KANSL1: variants seen among roughly 807,000 people sequenced by gnomAD.
The protein encoded by KANSL1 is KAT8 regulatory NSL complex subunit 1.
KANSL1 carries 22 observed loss-of-function variants against 103.6 expected under a neutral mutation model. That is an observed-to-expected ratio of 0.21 (90% CI 0.15 to 0.30). The LOEUF (loss-of-function observed/expected upper bound fraction) is 0.30, where lower values mean the gene tolerates loss of function less well. Ranked by LOEUF, KANSL1 falls within the 10% of genes least tolerant of loss-of-function variation. KANSL1 has a pLI of 1.00. For missense variants in KANSL1, 1,337 were observed against 1,399.8 expected (o/e 0.96, Z 0.72); for synonymous variants, 600 against 527.6 (o/e 1.14, Z -1.88).
At chr17:46,133,856 G>A (rs2043990682) in intron 2 of KANSL1, among the ~76,000 whole-genome samples, 1 of 152,188 alleles carries the variant, frequency 6.6e-6, no homozygotes, top group Non-Finnish European at 1.5e-5. Context: ...TCAATACAAG[G>A]ATATCAATTA....
At chr17:46,108,513 A>G (rs1447728732) in intron 2 of KANSL1, among the ~76,000 whole-genome samples, 1 of 152,158 alleles carries the variant, frequency 6.6e-6, no homozygotes, top group East Asian at 1.9e-4. Context: ...ATTATTTTTA[A>G]TTATCTATCT....
chr17:46,165,518 A>T (rs947457668), intron 2 of KANSL1, among the ~76,000 whole-genome samples: 16 of 143,262 alleles, frequency 1.1e-4, no homozygotes, highest in Non-Finnish European at 1.7e-4. Context: ...AGGTATTTTT[A>T]TTTTTTTTTT....
chr17:46,050,712 A>G lies in KANSL1; in HGVS notation c.1849-8T>C. 1.2e-6 allele frequency: 2 copies of G among 1,603,526 alleles called. No homozygotes were observed. The highest frequency in any genetic ancestry group is 1.7e-6 in the Non-Finnish European group (2 of 1,172,364). On this transcript the variant is annotated splice_polypyrimidine_tract_variant and splice_region_variant and intron_variant, in intron 6 of 14. Transcript: ENST00000432791. ...TGTGCTGTTCCGGTGAACCTGTGAA[A>G]AAAGCCAAACAAAACTGACAATTCA...
chr17:46,117,251 T>C (rs2043084735), intron 2 of KANSL1, among the ~76,000 whole-genome samples: 1 of 152,224 alleles, frequency 6.6e-6, no homozygotes, highest in Non-Finnish European at 1.5e-5. Context: ...AATTCCATGC[T>C]GAACAGCCAT....
chr17:46,078,471 C>T (rs1392557701), intron 4 of KANSL1, among the ~76,000 whole-genome samples: 3 of 152,216 alleles, frequency 2.0e-5, no homozygotes, highest in Admixed American at 1.3e-4. Context: ...TATGCCCCTC[C>T]CCATCTCCCA....
At chr17:46,118,538 T>C (rs1454508198) in intron 2 of KANSL1, among the ~76,000 whole-genome samples, 1 of 152,218 alleles carries the variant, frequency 6.6e-6, no homozygotes, top group Non-Finnish European at 1.5e-5. Context: ...CCCCCAGAGT[T>C]TCCGACTCAG....
At chr17:46,210,492 A>AT (rs1407828283) in intron 1 of KANSL1, among the ~76,000 whole-genome samples, 6 of 15,794 alleles carry the variant, frequency 3.8e-4, no homozygotes, top group East Asian at 2.3e-3. Flanking sequence ...AAAAAAAAAA[A>AT]AAAAAAAAAA....
chr17:46,125,074 G>C (rs1215908215), intron 2 of KANSL1, among the ~76,000 whole-genome samples: 1 of 42,170 alleles, frequency 2.4e-5, no homozygotes, highest in Non-Finnish European at 6.1e-5. Flanking sequence ...AGGGAGGAGG[G>C]AGGGAGGGAG....
intron 1 of KANSL1, among the ~76,000 whole-genome samples, chr17:46,211,370 G>A (rs984403369): frequency 1.3e-5 from 2 of 152,060 alleles, no homozygotes; most frequent in Admixed American, 6.5e-5. Context: ...ATACACTAAA[G>A]TAACAATAGC....
chr17:46,062,666 T>C (rs2078220381), intron 6 of KANSL1, among the ~76,000 whole-genome samples: 1 of 152,032 alleles, frequency 6.6e-6, no homozygotes. Flanking sequence ...CCAGCCTTTT[T>C]AAGGGCAAAA....
intron 2 of KANSL1, among the ~76,000 whole-genome samples, chr17:46,096,838 C>T (rs867019229): frequency 4.6e-5 from 7 of 150,910 alleles, no homozygotes; most frequent in African/African-American, 7.3e-5. Context: ...AGGATGGTCT[C>T]GATCTCCTGA....
Position 46,066,689 on chromosome 17 carries a change from C to G in KANSL1, c.1696G>C (p.Asp566His). Residue 566 changes from aspartate (D) to histidine (H), a missense_variant, in exon 6 of 15, where the codon GAT becomes CAT. Transcript: ENST00000432791. The part of the protein sequence containing the change: ...LADHIPGDSS[D>H]AEEQLHKKQR... Reference sequence around the variant, plus strand: ...TTCTTATGTAATTGTTCCTCAGCATCAGAGCTGTCACCTGGAATGTGGTCT... The same window carrying G: ...TTCTTATGTAATTGTTCCTCAGCATGAGAGCTGTCACCTGGAATGTGGTCT... The G allele has an allele frequency of 6.2e-7, 1 of 1,614,122 alleles. No homozygotes were observed. The highest frequency in any genetic ancestry group is 8.5e-7 in the Non-Finnish European group (1 of 1,180,010).
intron 2 of KANSL1, among the ~76,000 whole-genome samples, chr17:46,126,856 T>C (rs371032412): frequency 3.3e-4 from 50 of 152,360 alleles, no homozygotes; most frequent in African/African-American, 1.2e-3. Context: ...TTTCTGGCTG[T>C]ACCACTCAAC....
intron 2 of KANSL1, among the ~76,000 whole-genome samples, chr17:46,126,465 T>C (rs1386653600): frequency 6.6e-6 from 1 of 151,518 alleles, no homozygotes; most frequent in African/African-American, 2.4e-5. Flanking sequence ...AGTCTCCATC[T>C]TTCCACTAGA....
At chr17:46,217,683 G>A (rs1313382907) in intron 1 of KANSL1, among the ~76,000 whole-genome samples, 2 of 152,110 alleles carry the variant, frequency 1.3e-5, no homozygotes, top group African/African-American at 4.8e-5. Context: ...AAGGTCAGGA[G>A]TTTGAGACCA....
chr17:46,053,943 A>T (rs1405683678), intron 6 of KANSL1, among the ~76,000 whole-genome samples: 1 of 152,194 alleles, frequency 6.6e-6, no homozygotes, highest in African/African-American at 2.4e-5. Flanking sequence ...AACACATACA[A>T]TATTGTGTTT....
At chr17:46,102,306 G>A (rs530185924) in intron 2 of KANSL1, among the ~76,000 whole-genome samples, 22 of 152,262 alleles carry the variant, frequency 1.4e-4, no homozygotes, top group African/African-American at 5.3e-4. Context: ...CTGGAGTGCA[G>A]AGGCACGATC....
chr17:46,126,183 T>C (rs1206229645), intron 2 of KANSL1, among the ~76,000 whole-genome samples: 1 of 152,032 alleles, frequency 6.6e-6, no homozygotes, highest in Non-Finnish European at 1.5e-5. Context: ...CCGGGCACAG[T>C]GTAATCCCAG....
chr17:46,158,297 T>C (rs866072063), intron 2 of KANSL1, among the ~76,000 whole-genome samples: 45 of 152,240 alleles, frequency 3.0e-4, no homozygotes, highest in African/African-American at 1.0e-3. Flanking sequence ...AAAACTTCTT[T>C]ATTGTTTTGC....
Sources: gnomAD v4.1 joint callset for allele counts (sites outside exome capture counted in the v4.1 genomes callset) on GRCh38, gnomAD v4.1.1 for gene constraint, MANE v1.5 for transcripts, NCBI Gene and HGNC (gene_info 2026-07-23, HGNC 2026-07-21) for gene names.